CTNND2: variants seen among roughly 807,000 people sequenced by gnomAD.
CTNND2 encodes the protein catenin delta 2, also known as catenin delta-2.
In CTNND2, 22 loss-of-function variants were observed where a neutral mutation model predicts 144.4. The ratio of observed to expected loss-of-function variants is 0.15; its 90% CI spans 0.11 to 0.22. The LOEUF (loss-of-function observed/expected upper bound fraction) is 0.22. Ranked by LOEUF, CTNND2 falls within the 10% of genes least tolerant of loss-of-function variation. The pLI, the probability that CTNND2 is intolerant of heterozygous loss-of-function variation, is 1.00. For missense variants in CTNND2, 1,353 were observed against 1,618.8 expected (o/e 0.84, Z 2.82); for synonymous variants, 751 against 695.6 (o/e 1.08, Z -1.25).
intron 2 of CTNND2, among the ~76,000 whole-genome samples, chr5:11,606,397 A>C (rs1780044188): frequency 6.6e-6 from 1 of 152,180 alleles, no homozygotes; most frequent in East Asian, 1.9e-4. Context: ...GCAATACAAA[A>C]CTAACACAGC....
chr5:11,403,178 T>C (rs1368170698), intron 5 of CTNND2, among the ~76,000 whole-genome samples: 2 of 152,186 alleles, frequency 1.3e-5, no homozygotes, highest in African/African-American at 2.4e-5. Flanking sequence ...GCATTAGATA[T>C]ATGTCCTGAT....
intron 9 of CTNND2, among the ~76,000 whole-genome samples, chr5:11,261,747 T>C (rs926150544): frequency 6.6e-6 from 1 of 152,212 alleles, no homozygotes; most frequent in Non-Finnish European, 1.5e-5. Flanking sequence ...CAACTAGTAT[T>C]GGTAAATAGG....
rs571704003 is a variant in CTNND2 at position 10,972,080 on chromosome 5, G to T, written c.*1373C>A. ...CTGCCACATGAACAAAAAGTTTGGG[G>T]GAATAAGGCGAGCAGTTTACATTTT... is the stretch of plus-strand genomic sequence containing the variant. On this transcript the variant is annotated 3_prime_UTR_variant, in exon 22 of 22. Coordinates refer to ENST00000304623, the MANE Select transcript of CTNND2 (RefSeq NM_001332.4). 6.5e-6 allele frequency: 1 copy of T among 152,702 alleles called. No individual in the cohort carries two copies. Among genetic ancestry groups the T allele is most frequent in the African/African-American group, 2.4e-5 (1 of 41,548 alleles). The allele number at this position is 152,702 out of a possible 1,614,324, so 9.5% of individuals were successfully genotyped here. A position where few individuals can be genotyped will look rare whatever the true frequency, so the allele number is the denominator to read the frequency against.
intron 9 of CTNND2, among the ~76,000 whole-genome samples, chr5:11,262,484 C>T (rs535258885): frequency 1.3e-3 from 201 of 152,066 alleles, no homozygotes; most frequent in African/African-American, 4.4e-3. Context: ...ATGTGTTGGC[C>T]GGGCGCAGTG....
At chr5:11,433,748 C>T (rs1763509356) in intron 3 of CTNND2, among the ~76,000 whole-genome samples, 1 of 152,172 alleles carries the variant, frequency 6.6e-6, no homozygotes, top group Admixed American at 6.5e-5. Context: ...GATCTGTCCC[C>T]ATGACACAAA....
At chr5:11,737,165 C>A (rs1447380916) in intron 1 of CTNND2, among the ~76,000 whole-genome samples, 1 of 148,038 alleles carries the variant, frequency 6.8e-6, no homozygotes, top group East Asian at 2.2e-4. Context: ...CCAGGCTGGT[C>A]CAGCCTACTC....
intron 13 of CTNND2, among the ~76,000 whole-genome samples, chr5:11,114,145 A>G (rs1753306823): frequency 1.3e-5 from 2 of 152,268 alleles, no homozygotes; most frequent in African/African-American, 4.8e-5. Flanking sequence ...GGCATAAGTC[A>G]GAATGATCTT....
In CTNND2 at chr5:11,377,507, T is replaced by C. The variant is rs533088683; in HGVS notation, c.1177+7158A>G. Among the ~76,000 whole-genome samples the C allele has an allele frequency of 3.3e-5, 5 of 152,272 alleles. No individual in the cohort carries two copies. In the East Asian group the frequency reaches 9.6e-4, roughly 29 times the overall value. On this transcript the variant is annotated intron_variant, in intron 7 of 21. Transcript: ENST00000304623. ...GTAGTTTTCATTTTTTTAGGGCACA[T>C]TTTCTCAGCTAAAGCACAACTGAAG...
At chr5:11,277,520 T>G (rs1388320968) in intron 9 of CTNND2, among the ~76,000 whole-genome samples, 6 of 148,282 alleles carry the variant, frequency 4.0e-5, no homozygotes, top group Non-Finnish European at 4.5e-5. Flanking sequence ...ATTTATTTAT[T>G]TATTTATTTA....
At chr5:11,208,969 C>T (rs78118910) in intron 10 of CTNND2, among the ~76,000 whole-genome samples, 1,978 of 152,138 alleles carry the variant, frequency 0.013, 48 homozygotes, top group African/African-American at 0.045. Flanking sequence ...TTACCAGTGA[C>T]GTTGAGTCTT....
intron 3 of CTNND2, among the ~76,000 whole-genome samples, chr5:11,491,756 A>T (rs1769410469): frequency 6.6e-6 from 1 of 152,208 alleles, no homozygotes; most frequent in African/African-American, 2.4e-5. Flanking sequence ...GCAGTTATTG[A>T]TGCCAAAATG....
At chr5:11,300,932 G>A (rs527838355) in intron 9 of CTNND2, among the ~76,000 whole-genome samples, 1 of 152,260 alleles carries the variant, frequency 6.6e-6, no homozygotes, top group South Asian at 2.1e-4. Flanking sequence ...TGACACTGAT[G>A]GGGAAGATAC....
rs1008006448 is a variant in CTNND2, at chr5:11,826,560, T to C, written c.37+77257A>G. Among the ~76,000 whole-genome samples, 72 of 152,132 alleles carry C rather than the reference T, an allele frequency of 4.7e-4. 1 individual carries two copies. Among genetic ancestry groups the C allele is most frequent in the African/African-American group, 1.6e-3 (65 of 41,568 alleles). ...ATCACCAAATAAAAGGCTGAGATTG[T>C]CATATTATATTTAAAAAGTGATATC... On this transcript the variant is annotated intron_variant, in intron 1 of 21. Transcript: ENST00000304623.
At chr5:11,220,615 A>G (rs1289523787) in intron 10 of CTNND2, among the ~76,000 whole-genome samples, 1 of 152,136 alleles carries the variant, frequency 6.6e-6, no homozygotes, top group Non-Finnish European at 1.5e-5. Flanking sequence ...TCCATTCCAA[A>G]GCTTGAAAGG....
intron 15 of CTNND2, among the ~76,000 whole-genome samples, chr5:11,090,888 T>C (rs551774261): frequency 1.3e-5 from 2 of 152,246 alleles, no homozygotes; most frequent in East Asian, 3.9e-4. Context: ...CGGTCTTCCT[T>C]ATCTTGTATG....
intron 2 of CTNND2, among the ~76,000 whole-genome samples, chr5:11,656,370 C>G (rs566221028): frequency 6.6e-6 from 1 of 151,938 alleles, no homozygotes; most frequent in African/African-American, 2.4e-5. Flanking sequence ...CTTTGTTCAG[C>G]CCAACCCTAT....
At chr5:11,769,447 T>C (rs548501687) in intron 1 of CTNND2, among the ~76,000 whole-genome samples, 38 of 152,370 alleles carry the variant, frequency 2.5e-4, no homozygotes, top group African/African-American at 7.9e-4. Flanking sequence ...GTGGTTAATA[T>C]TGTATTTGAG....
chr5:11,734,132 C>G (rs1787545858), intron 1 of CTNND2, among the ~76,000 whole-genome samples: 1 of 152,168 alleles, frequency 6.6e-6, no homozygotes, highest in South Asian at 2.1e-4. Context: ...AGGACTTAAT[C>G]TTTTGCTTCC....
chr5:11,827,934 C>T (rs1425583894), intron 1 of CTNND2, among the ~76,000 whole-genome samples: 3 of 152,278 alleles, frequency 2.0e-5, no homozygotes, highest in South Asian at 4.1e-4. Flanking sequence ...GCTCTTTACT[C>T]ATACCAAAAT....
Sources: allele counts gnomAD v4.1 joint callset (sites outside exome capture counted in the v4.1 genomes callset), GRCh38; gene constraint gnomAD v4.1.1; transcripts MANE v1.5; gene names NCBI Gene and HGNC (gene_info 2026-07-23, HGNC 2026-07-21).